Variants in HARS1 observed in about 807,000 individuals in gnomAD.
HARS1 encodes the protein histidine--tRNA ligase, cytoplasmic.
HARS1 carries 45 observed loss-of-function variants against 63.6 expected under a neutral mutation model. That is an observed-to-expected ratio of 0.71 (90% confidence interval 0.56 to 0.91). The LOEUF (loss-of-function observed/expected upper bound fraction) is 0.91. Ranked by LOEUF, HARS1 falls within the 40% of genes least tolerant of loss-of-function variation. The pLI is 0.00. For synonymous variants in HARS1, 205 were observed against 247.1 expected, an observed-to-expected ratio of 0.83 and a Z score of 1.60; for missense variants, 508 against 643.2, an observed-to-expected ratio of 0.79 and a Z score of 2.27.
In HARS1 at chr5:140,684,287, CAAAACAAAAACA is replaced by C. The variant is rs201864120; in HGVS notation, c.181-1080_181-1069del. 4,585 of 923,484 alleles carry C rather than the reference CAAAACAAAAACA, an allele frequency of 5.0e-3. 176 individuals are homozygous for C. In the African/African-American group the frequency reaches 0.076, roughly 15 times the overall value. The allele number at this position is 923,484 out of a possible 1,614,324, so 57.2% of individuals were successfully genotyped here. ...CCTGGGAGACAGAGCAAGACTCTGTCAAAACAAAAACAAAAACAAAAACAAACCCAACCAAAC... is the reference window on the plus strand; with the variant it reads ...CCTGGGAGACAGAGCAAGACTCTGTCAAAACAAAAACAAACCCAACCAAAC... On this transcript the variant is annotated intron_variant, in intron 2 of 12. Transcript: ENST00000504156.
chr5:140,676,522 G>A lies in HARS1; in HGVS notation c.1194+132C>T. The A allele has an allele frequency of 2.1e-6, 2 of 931,368 alleles. No homozygotes were observed. The allele number at this position is 931,368 out of a possible 1,614,324, so 57.7% of individuals were successfully genotyped here. A position where few individuals can be genotyped will look rare whatever the true frequency, so the allele number is the denominator to read the frequency against. Reference sequence around the variant, plus strand: ...TAATGGGGTAGAAATCTGTGAAAAAGAGCAATAATCTTTTCTCCATTTCTG... The same window carrying A: ...TAATGGGGTAGAAATCTGTGAAAAAAAGCAATAATCTTTTCTCCATTTCTG... On this transcript the variant is annotated intron_variant, in intron 10 of 12. Transcript: ENST00000504156. The surrounding 1 kb of genome is among the most constrained non-coding windows in gnomAD (Gnocchi z 4.1).
chr5:140,678,211 G>A (rs989089315), intron 5 of HARS1, 196 bp from the exon 6 acceptor site: 28 of 585,578 alleles, frequency 4.8e-5, no homozygotes, highest in Non-Finnish European at 8.2e-5. Flanking sequence ...CCATCTACTG[G>A]GCTATTCCTT....
intron 7 of HARS1, 21 bp downstream of exon 7, chr5:140,677,633 AG>A (rs1758461309): frequency 6.6e-7 from 1 of 1,522,586 alleles, no homozygotes. Context: ...TGGGAAAAGA[AG>A]TCAAGTACTT....
chr5:140,674,088 A>C lies in HARS1; in HGVS notation c.*169T>G. The C allele has an allele frequency of 7.3e-6, 5 of 684,006 alleles. No homozygotes were observed. The highest frequency in any genetic ancestry group is 2.7e-6 in the Non-Finnish European group (1 of 371,782). 42.4% of individuals were successfully genotyped at this position (684,006 alleles called of 1,614,324 possible). A position where few individuals can be genotyped will look rare whatever the true frequency, so the allele number is the denominator to read the frequency against. On this transcript the variant is annotated 3_prime_UTR_variant, in exon 13 of 13. Coordinates refer to ENST00000504156, the MANE Select transcript of HARS1 (RefSeq NM_002109.6). ...GGTGTTGTACCTGGCCGTTTTTGCC[A>C]GTAATAATCAATAAAATAACCATAA...
At chr5:140,690,994 T>C (rs1386787507) in intron 1 of HARS1, 50 bp from the exon 2 acceptor site, 9 of 1,092,122 alleles carry the variant, frequency 8.2e-6, no homozygotes, top group Non-Finnish European at 9.9e-6. Flanking sequence ...CTCTCCTCCC[T>C]CCCCCGCCAT....
Position 140,677,712 on chromosome 5 carries a change from A to G in HARS1, c.672T>C (p.Cys224=). The G allele has an allele frequency of 1.2e-6, 2 of 1,611,530 alleles. No individual in the cohort carries two copies. Among genetic ancestry groups the G allele is most frequent in the East Asian group, 2.2e-5 (1 of 44,828 alleles). The part of the protein sequence containing the change: ...RRILDGMFAI[C]GVSDSKFRTI... ...TACGGAACTTGCTGTCAGAAACACC[A>G]CAGATAGCAAACATCCCATCTAGAA... Residue 224 remains cysteine, a synonymous_variant, in exon 7 of 13, where the codon TGT becomes TGC. Transcript: ENST00000504156.
intron 1 of HARS1, 46 bp from the exon 2 acceptor site, chr5:140,690,990 TC>T (rs1759388605): frequency 8.9e-7 from 1 of 1,122,916 alleles, no homozygotes; most frequent in African/African-American, 1.5e-5. Context: ...GTCACTCTCC[TC>T]CCTCCCCCGC....
rs1321938423 is a variant in HARS1 at position 140,690,943 on chromosome 5, A to G, written c.92T>C (p.Ile31Thr). The G allele has an allele frequency of 6.3e-7, 1 of 1,578,092 alleles. No individual in the cohort carries two copies. The highest frequency in any genetic ancestry group is 2.2e-5 in the East Asian group (1 of 44,686). The change falls in exon 2 of 13, where the codon ATC (isoleucine) becomes ACC (threonine). Residue 31 changes from isoleucine (I) to threonine (T), a missense_variant and splice_region_variant. Around this residue, in one of 2 missense-constraint regions of HARS1, gnomAD observed 105 missense variants for 94.5 expected, o/e 1.11. Coordinates refer to ENST00000504156, the MANE Select transcript of HARS1 (RefSeq NM_002109.6). The stretch of plus-strand genomic sequence containing the variant: ...CAGGAGTTTCGCCACCTCCTCCTCG[A>G]TCTGTGGAGGGAAAGAAGGCGCTGA... ...LKQQKASAEL[I>T]EEEVAKLLKL...
At chr5:140,675,775 G>A (rs796617401) in intron 10 of HARS1, 1 of 152,240 alleles carries the variant, frequency 6.6e-6, no homozygotes, top group African/African-American at 2.4e-5. Flanking sequence ...GGGCACAGGC[G>A]TGTATATGGG....
intron 2 of HARS1, chr5:140,687,708 G>A (rs1055900363): frequency 6.6e-6 from 1 of 152,170 alleles, no homozygotes; most frequent in Non-Finnish European, 1.5e-5. Flanking sequence ...TAGTGTCACT[G>A]TCTTAATGTA....
chr5:140,691,043 G>A, intron 1 of HARS1, 99 bp from the exon 2 acceptor site: 1 of 953,520 alleles, frequency 1.0e-6, no homozygotes, highest in African/African-American at 1.6e-5. Context: ...TCTCTGCTCA[G>A]GCCTAGCTTT....
At chr5:140,682,871 C>G (rs1223836879) in intron 3 of HARS1, 2 of 470,798 alleles carry the variant, frequency 4.2e-6, no homozygotes, top group East Asian at 6.6e-5. Context: ...AGAACAATTA[C>G]CATTCCAAAG....
Position 140,677,398 on chromosome 5 carries a change from T to C in HARS1, c.752A>G (p.Asn251Ser), listed in dbSNP as rs748594458. 1 of 1,613,588 alleles carries C rather than the reference T, an allele frequency of 6.2e-7. No individual in the cohort carries two copies. Among genetic ancestry groups the C allele is most frequent in the East Asian group, 2.2e-5 (1 of 44,866 alleles). Residue 251 changes from asparagine to serine, a missense_variant, in exon 8 of 13, where the codon AAT (asparagine) becomes AGT (serine). Asn to Ser is a conservative substitution (Grantham distance 46). Around this residue, in one of 2 missense-constraint regions of HARS1, gnomAD observed 403 missense variants for 548.7 expected, o/e 0.73. Transcript: ENST00000504156. ...LDKVSWEEVK[N>S]EMVGEKGLAP... The stretch of plus-strand genomic sequence containing the variant: ...AAGGCCCTTCTCTCCCACCATCTCA[T>C]TCTTCACCTCTTCCCAGGACACCTA...
In HARS1 at chr5:140,679,173, C is replaced by A. The variant is rs768138035; in HGVS notation, c.397-46G>T. 2 of 1,603,410 alleles carry A rather than the reference C, an allele frequency of 1.2e-6. No individual in the cohort carries two copies. The highest frequency in any genetic ancestry group is 4.5e-5 in the East Asian group (2 of 44,748). On this transcript the variant is annotated intron_variant, in intron 4 of 12. Coordinates refer to ENST00000504156, the MANE Select transcript of HARS1 (RefSeq NM_002109.6). The surrounding 1 kb of genome is among the most constrained non-coding windows in gnomAD (Gnocchi z 4.3). ...AGAAAGCCCCTCCTATCACTGTCTG[C>A]AAGTTGATTATCATCACCAACAGAA... is the stretch of plus-strand genomic sequence containing the variant.
chr5:140,681,560 T>G (rs1356456592), intron 3 of HARS1, among the ~76,000 whole-genome samples: 1 of 152,024 alleles, frequency 6.6e-6, no homozygotes, highest in East Asian at 1.9e-4. Flanking sequence ...TCCCAGCTAC[T>G]TAGGAGACTG....
In HARS1 at chr5:140,677,588, A is replaced by G. The variant is rs1758459147; in HGVS notation, c.729+67T>C. On this transcript the variant is annotated intron_variant, in intron 7 of 12. Transcript: ENST00000504156. ...GAGGCATGCACCTCTCTCTCTCTCA[A>G]TCTTGTTTTCCATTTCCCAAGGCAG... 3 of 1,200,868 alleles carry G rather than the reference A, an allele frequency of 2.5e-6. No homozygotes were observed. In the East Asian group the frequency reaches 7.0e-5, roughly 28 times the overall value. 74.4% of individuals were successfully genotyped at this position (1,200,868 alleles called of 1,614,324 possible).
Position 140,691,311 on chromosome 5 carries a change from T to C in HARS1, c.-7A>G. The C allele has an allele frequency of 1.2e-6, 2 of 1,600,692 alleles. No individual in the cohort carries two copies. Among genetic ancestry groups the C allele is most frequent in the Non-Finnish European group, 1.7e-6 (2 of 1,176,716 alleles). On this transcript the variant is annotated 5_prime_UTR_variant, in exon 1 of 13. Transcript: ENST00000504156. ...GCGCCGCACGCTCTGCCATCCCGGC[T>C]GTCCACTTGAGCCGCCTGCTGTCTC...
At chr5:140,683,330 T>C (rs889727731) in intron 2 of HARS1, 111 bp from the exon 3 acceptor site, 1 of 1,147,298 alleles carries the variant, frequency 8.7e-7, no homozygotes, top group Non-Finnish European at 1.2e-6. Context: ...AATCCTGCTC[T>C]AAACAGATTT....
rs1008752414 is a variant in HARS1 at position 140,680,239 on chromosome 5, G to C, written c.301-356C>G. Reference sequence around the variant, plus strand: ...TCGGCTCACTGCAACCTCTGACTCCGGGGTTCAAGAGATTCTCCTGCCTCA... The same window carrying C: ...TCGGCTCACTGCAACCTCTGACTCCCGGGTTCAAGAGATTCTCCTGCCTCA... On this transcript the variant is annotated intron_variant, in intron 3 of 12. Transcript: ENST00000504156. Among the ~76,000 whole-genome samples the C allele has an allele frequency of 4.0e-5, 6 of 151,212 alleles. No homozygotes were observed. In the East Asian group the frequency reaches 1.2e-3, roughly 30 times the overall value.
Sources: allele counts gnomAD v4.1 joint callset (sites outside exome capture counted in the v4.1 genomes callset), GRCh38; gene constraint gnomAD v4.1.1; regional missense constraint gnomAD v4.1.1; non-coding constraint Gnocchi (gnomAD v3.1); transcripts MANE v1.5; gene names NCBI Gene and HGNC (gene_info 2026-07-23, HGNC 2026-07-21).